Variants in CYRIB observed in about 807,000 individuals in gnomAD.
CYRIB encodes CYFIP related Rac1 interactor B.
In CYRIB, 8 loss-of-function variants were observed where a neutral mutation model predicts 44.2. The observed-to-expected ratio is 0.18, with a 90% CI of 0.11 to 0.33. The LOEUF is 0.33. Ranked by LOEUF, CYRIB falls within the 10% of genes least tolerant of loss-of-function variation. CYRIB has a pLI of 1.00. For missense variants in CYRIB, 185 were observed against 382.8 expected (o/e 0.48, Z 4.31); for synonymous variants, 131 against 127.2 (o/e 1.03, Z -0.20).
chr8:129,938,363 T>C (rs1052076978), intron 1 of CYRIB, among the ~76,000 whole-genome samples: 4 of 152,228 alleles, frequency 2.6e-5, no homozygotes, highest in Admixed American at 2.6e-4. Context: ...GTGACTGAAA[T>C]TCTTTTAGCT....
At chr8:129,868,715 C>T (rs2055226432) in intron 4 of CYRIB, 1 of 151,788 alleles carries the variant, frequency 6.6e-6, no homozygotes, top group Admixed American at 6.6e-5. Context: ...TTGATATATC[C>T]TATATATAAA....
exon 12 of CYRIB, chr8:129,840,718 T>A (rs2130778085): frequency 6.6e-6 from 1 of 152,298 alleles, no homozygotes; most frequent in South Asian, 2.1e-4. Flanking sequence ...GGAAGTGACA[T>A]CACATGGAAC....
At chr8:129,950,571 G>GA (rs1231298522) in intron 2 of CYRIB, among the ~76,000 whole-genome samples, 2,079 of 127,916 alleles carry the variant, frequency 0.016, 14 homozygotes, top group Admixed American at 0.023. Context: ...CCATCTCAAA[G>GA]AAAAAAAAAA....
At chr8:129,891,117 G>C (rs541631945) in intron 2 of CYRIB, among the ~76,000 whole-genome samples, 98 of 152,100 alleles carry the variant, frequency 6.4e-4, no homozygotes, top group Non-Finnish European at 1.1e-3. Flanking sequence ...CCCCTTCAAA[G>C]GTCTGAGACT....
intron 1 of CYRIB, among the ~76,000 whole-genome samples, chr8:129,933,885 C>T (rs1177157750): frequency 7.2e-6 from 1 of 138,052 alleles, no homozygotes; most frequent in African/African-American, 2.8e-5. Context: ...CTGTCACACA[C>T]ACAAAAAAAA....
chr8:129,955,527 A>G (rs2094772613), intron 2 of CYRIB, among the ~76,000 whole-genome samples: 1 of 152,134 alleles, frequency 6.6e-6, no homozygotes, highest in Admixed American at 6.6e-5. Flanking sequence ...AAATCTATAG[A>G]GATATTAGAT....
intron 10 of CYRIB, 87 bp downstream of exon 12, chr8:129,849,156 G>T: frequency 7.8e-7 from 1 of 1,288,360 alleles, no homozygotes; most frequent in Non-Finnish European, 1.1e-6. Flanking sequence ...GTGAGAGTCC[G>T]GTTTGCTGGC....
chr8:129,882,211 TA>T (rs976986155), intron 2 of CYRIB, among the ~76,000 whole-genome samples: 75 of 152,370 alleles, frequency 4.9e-4, no homozygotes, highest in African/African-American at 1.8e-3. Flanking sequence ...TTTAGGAGTT[TA>T]ATCTATGGAA....
At chr8:129,903,752 T>C (rs778192218) in intron 1 of CYRIB, among the ~76,000 whole-genome samples, 17 of 152,234 alleles carry the variant, frequency 1.1e-4, no homozygotes, top group Admixed American at 5.2e-4. Flanking sequence ...ATATTTCTTA[T>C]CACAGTTTAA....
At chr8:129,849,398 G>A in intron 9 of CYRIB, 29 bp from the exon 12 acceptor site, 1 of 1,574,902 alleles carries the variant, frequency 6.3e-7, no homozygotes, top group Non-Finnish European at 8.6e-7. Context: ...ATGCATGGAA[G>A]AAGTGCATTA....
At chr8:130,005,829 AAT>A in intron 1 of CYRIB, among the ~76,000 whole-genome samples, 1 of 151,746 alleles carries the variant, frequency 6.6e-6, no homozygotes, top group Non-Finnish European at 1.5e-5. Context: ...AAAAAAAAAA[AAT>A]GTAAAGGCTG....
intron 9 of CYRIB, 130 bp downstream of exon 11, chr8:129,850,705 C>T: frequency 1.4e-6 from 1 of 703,500 alleles, no homozygotes; most frequent in Non-Finnish European, 2.4e-6. Flanking sequence ...TATTAACATT[C>T]AATATTTGGA....
intron 2 of CYRIB, among the ~76,000 whole-genome samples, chr8:129,958,556 C>G (rs1468326960): frequency 6.6e-6 from 1 of 152,128 alleles, no homozygotes; most frequent in Non-Finnish European, 1.5e-5. Flanking sequence ...TACATAATAG[C>G]TACTCTATTA....
intron 7 of CYRIB, among the ~76,000 whole-genome samples, chr8:129,853,225 G>T (rs1360736710): frequency 2.6e-5 from 4 of 152,122 alleles, no homozygotes; most frequent in Non-Finnish European, 5.9e-5. Context: ...GGCAAGGATG[G>T]GTATAGTATA....
intron 2 of CYRIB, among the ~76,000 whole-genome samples, chr8:129,951,227 C>A (rs2094486000): frequency 6.6e-6 from 1 of 152,052 alleles, no homozygotes; most frequent in African/African-American, 2.4e-5. Flanking sequence ...TCACTTGAGC[C>A]TGGGAGACAG....
chr8:129,873,570 T>A (rs563342425), intron 3 of CYRIB, among the ~76,000 whole-genome samples: 2 of 151,972 alleles, frequency 1.3e-5, no homozygotes, highest in South Asian at 4.1e-4. Flanking sequence ...ACATCAATAG[T>A]AGACACGTAT....
At chr8:129,910,481 T>A (rs1168204538) in intron 1 of CYRIB, among the ~76,000 whole-genome samples, 2 of 121,704 alleles carry the variant, frequency 1.6e-5, no homozygotes, top group African/African-American at 6.9e-5. Flanking sequence ...CTTTCACTTT[T>A]TTTTTTTTTT....
At chr8:129,842,690 T>C (rs2037108148) in intron 11 of CYRIB, among the ~76,000 whole-genome samples, 1 of 152,246 alleles carries the variant, frequency 6.6e-6, no homozygotes, top group Admixed American at 6.5e-5. Context: ...ATTTCAGTGC[T>C]TACATATAAA....
In CYRIB at chr8:129,999,784, G is replaced by A. The variant is rs185585928; in HGVS notation, c.-296+16586C>T. On this transcript the variant is annotated intron_variant, in intron 1 of 14. Transcript: ENST00000401979. Reference sequence around the variant, plus strand: ...TGGGACTACTGATGAGTGCTACCACGCCCAGATAATATTTTTATTTTTTTG... The same window carrying A: ...TGGGACTACTGATGAGTGCTACCACACCCAGATAATATTTTTATTTTTTTG... Among the ~76,000 whole-genome samples the A allele has an allele frequency of 1.2e-4, 18 of 152,194 alleles. No individual in the cohort carries two copies. The East Asian group carries it at 1.7e-3, about 15-fold the overall frequency.
Sources: gnomAD v4.1 joint callset for allele counts (sites outside exome capture counted in the v4.1 genomes callset) on GRCh38, gnomAD v4.1.1 for gene constraint, MANE v1.5 for transcripts, NCBI Gene and HGNC (gene_info 2026-07-23, HGNC 2026-07-21) for gene names.